The following WDR93 variants were observed in gnomAD, a reference collection of about 807,000 sequenced individuals.
The protein encoded by WDR93 is WD repeat-containing protein 93.
In WDR93, 73 loss-of-function variants were observed where a neutral mutation model predicts 82.9. The observed-to-expected ratio is 0.88, with a 90% confidence interval of 0.73 to 1.07. The LOEUF (loss-of-function observed/expected upper bound fraction) is 1.07, where lower values mean the gene tolerates loss of function less well. Among genes scored for constraint, WDR93 ranks in the 50% least tolerant of loss-of-function variants. The pLI, the probability that WDR93 is intolerant of heterozygous loss-of-function variation, is 0.00. For missense variants in WDR93, 738 were observed against 826.0 expected, an observed-to-expected ratio of 0.89 and a Z score of 1.31; for synonymous variants, 283 against 300.1, an observed-to-expected ratio of 0.94 and a Z score of 0.59.
At chr15:89,724,215 G>C (rs922518937) in intron 8 of WDR93, among the ~76,000 whole-genome samples, 8 of 152,080 alleles carry the variant, frequency 5.3e-5, no homozygotes, top group African/African-American at 1.7e-4. Context: ...GGTGGCCTGT[G>C]CCTGTAGTCC....
At chr15:89,708,103 A>T (rs1056447832) in intron 4 of WDR93, among the ~76,000 whole-genome samples, 3 of 152,214 alleles carry the variant, frequency 2.0e-5, no homozygotes, top group African/African-American at 7.2e-5. Flanking sequence ...TAGTGATGGA[A>T]AACAGATCTG....
At chr15:89,734,823 A>C (rs989793291) in intron 13 of WDR93, among the ~76,000 whole-genome samples, 2 of 151,780 alleles carry the variant, frequency 1.3e-5, no homozygotes, top group Non-Finnish European at 2.9e-5. Flanking sequence ...CTTCTCTGTG[A>C]AAAGAACAAA....
intron 4 of WDR93, among the ~76,000 whole-genome samples, chr15:89,710,423 A>T (rs1965923721): frequency 6.6e-6 from 1 of 152,358 alleles, no homozygotes; most frequent in Admixed American, 6.5e-5. Context: ...CATTGGTTGC[A>T]TATGGAAGTG....
intron 1 of WDR93, among the ~76,000 whole-genome samples, chr15:89,696,182 C>T (rs1435504368): frequency 2.0e-5 from 3 of 152,180 alleles, no homozygotes; most frequent in East Asian, 3.9e-4. Context: ...ATCTGTTCCC[C>T]ATTACTCAGT....
intron 4 of WDR93, among the ~76,000 whole-genome samples, chr15:89,707,148 T>C (rs1290588949): frequency 1.3e-5 from 2 of 152,024 alleles, no homozygotes; most frequent in Non-Finnish European, 2.9e-5. Context: ...CCAAAGAAGA[T>C]GTATGGAAGG....
At chr15:89,709,911 A>G (rs896998372) in intron 4 of WDR93, among the ~76,000 whole-genome samples, 2 of 152,190 alleles carry the variant, frequency 1.3e-5, no homozygotes, top group Non-Finnish European at 2.9e-5. Context: ...CTGTAATCCC[A>G]GTACTGTGGG....
chr15:89,692,376 A>G (rs1964936470), intron 1 of WDR93, among the ~76,000 whole-genome samples: 1 of 152,214 alleles, frequency 6.6e-6, no homozygotes, highest in African/African-American at 2.4e-5. Flanking sequence ...TGTAGAGGAA[A>G]GAGCCTCGAA....
rs1194544824 is a variant in WDR93, at chr15:89,743,422, G to T, written c.*31G>T. 6.2e-7 allele frequency: 1 copy of T among 1,610,318 alleles called. No homozygotes were observed. Among genetic ancestry groups the T allele is most frequent in the Non-Finnish European group, 8.5e-7 (1 of 1,177,016 alleles). On this transcript the variant is annotated 3_prime_UTR_variant, in exon 17 of 17. Coordinates refer to ENST00000268130, the MANE Select transcript of WDR93 (RefSeq NM_020212.2). ...CCACCGCCCTGGGATCTCTGAAAAG[G>T]AGGTTTCAGCCACGAGGCAGCTGCT...
In WDR93 at chr15:89,703,098, C is replaced by T; in HGVS notation, c.452C>T (p.Thr151Ile). Residue 151 changes from threonine (T) to isoleucine (I), a missense_variant, in exon 3 of 17, where the codon ACA becomes ATA. Coordinates refer to ENST00000268130, the MANE Select transcript of WDR93 (RefSeq NM_020212.2). Reference protein sequence around the residue: ...LKVDVTSIWATDLGNEILIAP... With the variant: ...LKVDVTSIWAIDLGNEILIAP... ...GTTGATGTCACTTCCATCTGGGCCA[C>T]AGATTTAGGGAATGAAATACTCATT... is the stretch of plus-strand genomic sequence containing the variant. 1 of 1,614,162 alleles carries T rather than the reference C, an allele frequency of 6.2e-7. No homozygotes were observed. The highest frequency in any genetic ancestry group is 1.1e-5 in the South Asian group (1 of 91,084).
chr15:89,737,000 C>A (rs1426349309), intron 14 of WDR93, among the ~76,000 whole-genome samples: 2 of 152,094 alleles, frequency 1.3e-5, no homozygotes, highest in Non-Finnish European at 2.9e-5. Flanking sequence ...ACCGTGTTAG[C>A]CAGGATGGTC....
chr15:89,691,495 A>C (rs1188619350), intron 1 of WDR93, among the ~76,000 whole-genome samples: 2 of 152,208 alleles, frequency 1.3e-5, no homozygotes, highest in Non-Finnish European at 2.9e-5. Flanking sequence ...AGGTGGGCGG[A>C]TCACCTGCGA....
At chr15:89,692,002 G>T (rs2095593588) in intron 1 of WDR93, among the ~76,000 whole-genome samples, 1 of 152,188 alleles carries the variant, frequency 6.6e-6, no homozygotes, top group Non-Finnish European at 1.5e-5. Context: ...CTGGAATATG[G>T]CAGTGTGGGG....
chr15:89,730,198 G>A (rs142407631), intron 11 of WDR93, among the ~76,000 whole-genome samples: 42 of 152,156 alleles, frequency 2.8e-4, no homozygotes, highest in Non-Finnish European at 4.1e-4. Flanking sequence ...GGTGGCATGC[G>A]CCTGTAATCT....
At chr15:89,732,300 TG>T (rs2141694357) in intron 12 of WDR93, among the ~76,000 whole-genome samples, 1 of 152,268 alleles carries the variant, frequency 6.6e-6, no homozygotes, top group East Asian at 1.9e-4. Context: ...CCCTGTTTGT[TG>T]GGTAGCTTGT....
chr15:89,737,873 AG>A (rs1967336350), intron 15 of WDR93, 144 bp downstream of exon 15: 1 of 1,354,076 alleles, frequency 7.4e-7, no homozygotes, highest in Non-Finnish European at 1.0e-6. Flanking sequence ...CAGTCCTCAC[AG>A]GGCACTTAGA....
chr15:89,737,906 T>G (rs2046308001), intron 15 of WDR93, 135 bp from the exon 16 acceptor site: 1 of 1,317,538 alleles, frequency 7.6e-7, no homozygotes, highest in African/African-American at 1.5e-5. Flanking sequence ...CAGGGTCTTC[T>G]CTCTGAAGTC....
intron 16 of WDR93, among the ~76,000 whole-genome samples, chr15:89,742,406 C>A (rs934208867): frequency 6.6e-6 from 1 of 152,020 alleles, no homozygotes; most frequent in African/African-American, 2.4e-5. Context: ...TACCACAACC[C>A]CACTGACAGC....
intron 8 of WDR93, among the ~76,000 whole-genome samples, chr15:89,724,928 T>C (rs1966672857): frequency 6.6e-6 from 1 of 152,180 alleles, no homozygotes; most frequent in Admixed American, 6.5e-5. Context: ...CTGACAATAA[T>C]TTGTGTCCTA....
At chr15:89,693,467 A>G (rs1228828940) in intron 1 of WDR93, among the ~76,000 whole-genome samples, 1 of 152,190 alleles carries the variant, frequency 6.6e-6, no homozygotes, top group African/African-American at 2.4e-5. Context: ...ACCACTCCTA[A>G]GAGTGGAATG....
Sources: allele counts gnomAD v4.1 joint callset (sites outside exome capture counted in the v4.1 genomes callset), GRCh38; gene constraint gnomAD v4.1.1; transcripts MANE v1.5; gene names NCBI Gene and HGNC (gene_info 2026-07-23, HGNC 2026-07-21).